ZNF600: variants seen among roughly 807,000 people sequenced by gnomAD.
ZNF600 encodes zinc finger protein KR-ZNF1.
In ZNF600, 4 loss-of-function variants were observed where a neutral mutation model predicts 7.3. That is an observed-to-expected ratio of 0.55 (90% CI 0.27 to 1.25). The LOEUF is 1.25. Ranked by LOEUF, ZNF600 falls within the 50% of genes most tolerant of loss-of-function variation. The pLI is 0.12. For synonymous variants in ZNF600, 290 were observed against 308.9 expected (o/e 0.94, Z 0.64); for missense variants, 911 against 922.1 (o/e 0.99, Z 0.16).
upstream of ZNF600, among the ~76,000 whole-genome samples, chr19:52,787,074 G>A (rs868799117): frequency 2.6e-5 from 4 of 152,262 alleles, no homozygotes; most frequent in Admixed American, 1.3e-4. Context: ...TCATGCTGAT[G>A]GCCCACAGAA....
chr19:52,767,639 T>C, exon 4 of ZNF600: 1 of 1,614,106 alleles, frequency 6.2e-7, no homozygotes. Context: ...CATGAATTTC[T>C]TTCTCAATTT....
upstream of ZNF600, among the ~76,000 whole-genome samples, chr19:52,788,704 C>T (rs920526330): frequency 2.3e-4 from 35 of 152,176 alleles, no homozygotes; most frequent in African/African-American, 8.4e-4. Flanking sequence ...CCATGCAGAG[C>T]ACAGCCCCCT....
At chr19:52,810,740 A>T in the ZNF600 span, 1 of 687,526 alleles carries the variant, frequency 1.5e-6, no homozygotes, top group Non-Finnish European at 2.6e-6. Flanking sequence ...AGAGGAAAAA[A>T]AGAGGAAAGA....
intron 3 of ZNF600, among the ~76,000 whole-genome samples, chr19:52,771,769 C>A (rs1400350779): frequency 2.0e-5 from 3 of 152,074 alleles, no homozygotes; most frequent in East Asian, 3.9e-4. Context: ...TGAGCCATCA[C>A]GCCCGTCCAA....
chr19:52,814,081 A>T, the ZNF600 span, among the ~76,000 whole-genome samples: 2 of 146,486 alleles, frequency 1.4e-5, no homozygotes, highest in African/African-American at 5.3e-5. Flanking sequence ...AAAGCCTCAT[A>T]ATGCTGCAGA....
chr19:52,780,024 G>A (rs1197491772), intron 1 of ZNF600, among the ~76,000 whole-genome samples: 1 of 151,986 alleles, frequency 6.6e-6, no homozygotes. Flanking sequence ...TCAAAAAAAA[G>A]GAAACTCAAA....
At chr19:52,784,315 A>G (rs2062747317) in intron 1 of ZNF600, among the ~76,000 whole-genome samples, 1 of 152,150 alleles carries the variant, frequency 6.6e-6, no homozygotes, top group East Asian at 1.9e-4. Context: ...CTGAGGGAGG[A>G]GGATCGCTTG....
chr19:52,815,415 T>C, the ZNF600 span, among the ~76,000 whole-genome samples: 1 of 143,308 alleles, frequency 7.0e-6, no homozygotes, highest in Admixed American at 7.1e-5. Context: ...TACTCGAGAG[T>C]CTGAAGCAGG....
At chr19:52,808,269 CATG>C in the ZNF600 span, 43 of 1,486,824 alleles carry the variant, frequency 2.9e-5, no homozygotes, top group Non-Finnish European at 3.9e-5. Context: ...TTTTTCACCA[CATG>C]ATGTTTTTAT....
the ZNF600 span, chr19:52,809,699 G>A: frequency 1.6e-5 from 6 of 376,194 alleles, no homozygotes; most frequent in South Asian, 1.4e-4. Context: ...TCAGCTACTC[G>A]AGAGGCTGAG....
the ZNF600 span, chr19:52,797,549 G>C: frequency 1.3e-5 from 2 of 152,130 alleles, no homozygotes; most frequent in Non-Finnish European, 2.9e-5. Context: ...AAAATTAGTT[G>C]AATTTCCATA....
At chr19:52,767,802 AATT>A in intron 3 of ZNF600, 30 bp from the exon 6 acceptor site, 1 of 1,527,190 alleles carries the variant, frequency 6.5e-7, no homozygotes, top group South Asian at 1.3e-5. Flanking sequence ...ATAGGTTTCC[AATT>A]AAGTACAGAT....
the ZNF600 span, chr19:52,807,750 C>T: frequency 1.7e-6 from 1 of 584,178 alleles, no homozygotes; most frequent in Non-Finnish European, 2.8e-6. Context: ...GCTGGGATAA[C>T]AGGCGTGAGC....
chr19:52,810,590 G>A, the ZNF600 span: 27 of 1,573,340 alleles, frequency 1.7e-5, no homozygotes, highest in Middle Eastern at 3.4e-4. Flanking sequence ...CCGCTACCGC[G>A]CCCGACCACC....
chr19:52,823,618 T>A, the ZNF600 span, among the ~76,000 whole-genome samples: 2 of 152,184 alleles, frequency 1.3e-5, no homozygotes, highest in African/African-American at 4.8e-5. Context: ...AGCTTTAAAT[T>A]TGAAATATTT....
At chr19:52,802,632 G>A in the ZNF600 span, among the ~76,000 whole-genome samples, 804 of 149,856 alleles carry the variant, frequency 5.4e-3, 3 homozygotes, top group Non-Finnish European at 7.5e-3. Context: ...AGTTGAGATC[G>A]CACCACTGCA....
chr19:52,799,941 T>C, the ZNF600 span: 1 of 1,613,908 alleles, frequency 6.2e-7, no homozygotes, highest in South Asian at 1.1e-5. Context: ...ATTACACTTG[T>C]AAGGTTTCTC....
upstream of ZNF600, among the ~76,000 whole-genome samples, chr19:52,787,855 G>C (rs1270818589): frequency 9.3e-6 from 1 of 107,606 alleles, no homozygotes; most frequent in African/African-American, 3.6e-5. Context: ...GCGAGGCTAC[G>C]TCTCAAAAAA....
intron 1 of ZNF600, chr19:52,780,769 C>T (rs1263106740): frequency 1.3e-5 from 2 of 152,200 alleles, no homozygotes; most frequent in Non-Finnish European, 1.5e-5. Context: ...AGTGATGTAT[C>T]TTCTCACTCT....
Sources: allele counts gnomAD v4.1 joint callset (sites outside exome capture counted in the v4.1 genomes callset), GRCh38; gene constraint gnomAD v4.1.1; transcripts MANE v1.5; gene names NCBI Gene and HGNC (gene_info 2026-07-23, HGNC 2026-07-21).